Variants in CDH11 observed in about 807,000 individuals in gnomAD.
CDH11 encodes the protein cadherin 11.
Under a neutral mutation model 67.8 loss-of-function variants are expected in CDH11, and 11 were observed. The ratio of observed to expected loss-of-function variants is 0.16; its 90% confidence interval spans 0.10 to 0.27. The LOEUF (loss-of-function observed/expected upper bound fraction) is 0.27. Ranked by LOEUF, CDH11 falls within the 10% of genes least tolerant of loss-of-function variation. The pLI, the probability that CDH11 is intolerant of heterozygous loss-of-function variation, is 1.00. For synonymous variants in CDH11, 419 were observed against 400.0 expected, an observed-to-expected ratio of 1.05 and a Z score of -0.57; for missense variants, 847 against 1,031.2, an observed-to-expected ratio of 0.82 and a Z score of 2.45.
chr16:65,099,650 G>C (rs1472622622), intron 1 of CDH11, among the ~76,000 whole-genome samples: 1 of 152,150 alleles, frequency 6.6e-6, no homozygotes, highest in African/African-American at 2.4e-5. Context: ...TTCAACACTT[G>C]ATTAGACCCA....
intron 2 of CDH11, among the ~76,000 whole-genome samples, chr16:65,032,490 CAG>C (rs139946984): frequency 5.0e-4 from 74 of 148,858 alleles, no homozygotes; most frequent in Non-Finnish European, 5.1e-4. Flanking sequence ...GAAAAAGAGA[CAG>C]AGAGAGAGAG....
At position 64,947,790 on chromosome 16, in the gene CDH11, G is replaced by A; in HGVS notation, c.2204C>T (p.Pro735Leu). ...IQEADNDPTA[P>L]PYDSIQIYGY... Reference sequence around the variant, plus strand: ...GTAGATTTGAATGGAGTCATAAGGAGGAGCCGTGGGGTCATTGTCTGCCTC... The same window carrying A: ...GTAGATTTGAATGGAGTCATAAGGAAGAGCCGTGGGGTCATTGTCTGCCTC... Residue 735 changes from proline (P) to leucine (L), a missense_variant, in exon 13 of 13, where the codon CCT (proline) becomes CTT (leucine). By Grantham distance (98) the Pro-to-Leu change is moderately conservative. Transcript: ENST00000268603. The A allele has an allele frequency of 6.2e-7, 1 of 1,614,190 alleles. No individual in the cohort carries two copies. The highest frequency in any genetic ancestry group is 1.1e-5 in the South Asian group (1 of 91,078).
At chr16:65,095,466 G>A (rs992926371) in intron 1 of CDH11, among the ~76,000 whole-genome samples, 9 of 152,156 alleles carry the variant, frequency 5.9e-5, no homozygotes, top group Non-Finnish European at 8.8e-5. Context: ...GTTATAGTCT[G>A]CAGTTATACA....
chr16:65,007,497 C>T (rs532535752), intron 2 of CDH11, among the ~76,000 whole-genome samples: 10 of 152,164 alleles, frequency 6.6e-5, no homozygotes, highest in Non-Finnish European at 1.2e-4. Flanking sequence ...AAAGCCAAAC[C>T]GACTGTTTGG....
At chr16:65,117,045 A>C (rs992142963) in intron 1 of CDH11, among the ~76,000 whole-genome samples, 2 of 152,258 alleles carry the variant, frequency 1.3e-5, no homozygotes, top group African/African-American at 4.8e-5. Flanking sequence ...AACAATGTGC[A>C]TTATTCACAA....
intron 6 of CDH11, among the ~76,000 whole-genome samples, chr16:64,989,431 TAGG>T (rs918083257): frequency 5.9e-5 from 9 of 152,104 alleles, no homozygotes; most frequent in African/African-American, 2.2e-4. Context: ...CGTAGTGTGG[TAGG>T]AGAAGACATT....
chr16:65,064,905 C>T (rs1440415064), intron 1 of CDH11, among the ~76,000 whole-genome samples: 1 of 152,186 alleles, frequency 6.6e-6, no homozygotes, highest in African/African-American at 2.4e-5. Flanking sequence ...AACACGGATC[C>T]ATGGCACCAC....
At chr16:65,078,779 C>A (rs1012307746) in intron 1 of CDH11, among the ~76,000 whole-genome samples, 5 of 152,094 alleles carry the variant, frequency 3.3e-5, no homozygotes, top group African/African-American at 1.2e-4. Flanking sequence ...GACTCCAGAT[C>A]CTCATTTCAC....
chr16:65,106,286 G>A (rs1398598803), intron 1 of CDH11, among the ~76,000 whole-genome samples: 1 of 152,196 alleles, frequency 6.6e-6, no homozygotes, highest in Admixed American at 6.5e-5. Flanking sequence ...TTAACAGTGA[G>A]TGGGATGGGT....
At chr16:65,116,891 G>A (rs775283986) in intron 1 of CDH11, among the ~76,000 whole-genome samples, 5 of 151,842 alleles carry the variant, frequency 3.3e-5, no homozygotes, top group Non-Finnish European at 4.4e-5. Context: ...TTAATATCCC[G>A]ATGTACCAGA....
intron 2 of CDH11, among the ~76,000 whole-genome samples, chr16:65,031,523 T>C (rs1033950495): frequency 9.9e-5 from 15 of 152,094 alleles, no homozygotes; most frequent in African/African-American, 3.6e-4. Flanking sequence ...AGTATATACA[T>C]AAGTCAAATG....
intron 3 of CDH11, among the ~76,000 whole-genome samples, chr16:65,001,877 C>T (rs1473046884): frequency 6.6e-6 from 1 of 151,914 alleles, no homozygotes; most frequent in African/African-American, 2.4e-5. Context: ...CATACGCAGC[C>T]AATTCCTAAC....
chr16:65,106,888 TTAAA>T (rs1175268153), intron 1 of CDH11, among the ~76,000 whole-genome samples: 1 of 151,632 alleles, frequency 6.6e-6, no homozygotes, highest in East Asian at 1.9e-4. Flanking sequence ...GGTGTCATCC[TTAAA>T]TAATTCTGGG....
chr16:65,047,563 G>A (rs1449694915), intron 2 of CDH11, among the ~76,000 whole-genome samples: 2 of 151,954 alleles, frequency 1.3e-5, no homozygotes, highest in African/African-American at 4.8e-5. Flanking sequence ...TGTTGGCCAG[G>A]ATGGTCTCGA....
At chr16:65,033,220 C>T (rs1415415799) in intron 2 of CDH11, among the ~76,000 whole-genome samples, 1 of 144,658 alleles carries the variant, frequency 6.9e-6, no homozygotes, top group African/African-American at 2.6e-5. Flanking sequence ...GATGACACCC[C>T]ACAAGTAAAC....
chr16:65,108,092 GTC>G (rs2075095620), intron 1 of CDH11, among the ~76,000 whole-genome samples: 1 of 152,108 alleles, frequency 6.6e-6, no homozygotes, highest in East Asian at 1.9e-4. Context: ...CACTAGGCAC[GTC>G]TCTCTGTAAG....
intron 1 of CDH11, among the ~76,000 whole-genome samples, chr16:65,062,963 C>T (rs2074256473): frequency 6.6e-6 from 1 of 152,204 alleles, no homozygotes; most frequent in Non-Finnish European, 1.5e-5. Context: ...CTCATCACAC[C>T]TCATTAAATA....
intron 4 of CDH11, among the ~76,000 whole-genome samples, chr16:64,995,807 A>G (rs1422142701): frequency 6.6e-6 from 1 of 152,164 alleles, no homozygotes; most frequent in Non-Finnish European, 1.5e-5. Context: ...GAGTAAAGAG[A>G]CAACCTACAG....
chr16:65,113,648 T>A (rs1441161220), intron 1 of CDH11, among the ~76,000 whole-genome samples: 2 of 151,904 alleles, frequency 1.3e-5, no homozygotes, highest in African/African-American at 4.8e-5. Flanking sequence ...CAGATGGGAG[T>A]GATGAGGATG....
Sources: gnomAD v4.1 joint callset for allele counts (sites outside exome capture counted in the v4.1 genomes callset) on GRCh38, gnomAD v4.1.1 for gene constraint, MANE v1.5 for transcripts, NCBI Gene and HGNC (gene_info 2026-07-23, HGNC 2026-07-21) for gene names.